Variants in MRAS observed in about 807,000 individuals in gnomAD.
MRAS encodes muscle RAS oncogene homolog.
A neutral mutation model predicts 20.9 loss-of-function variants in MRAS; 4 were observed. That is an observed-to-expected ratio of 0.19 (90% confidence interval 0.09 to 0.44). The LOEUF (loss-of-function observed/expected upper bound fraction) is 0.44, where lower values mean the gene tolerates loss of function less well. MRAS is among the 20% of genes least tolerant of loss of function. The pLI, the probability that MRAS is intolerant of heterozygous loss-of-function variation, is 0.99. For missense variants in MRAS, 154 were observed against 277.5 expected, an observed-to-expected ratio of 0.56 and a Z score of 3.16; for synonymous variants, 98 against 102.9, an observed-to-expected ratio of 0.95 and a Z score of 0.29.
intron 3 of MRAS, 88 bp downstream of exon 3, chr3:138,397,565 C>A: frequency 6.8e-7 from 1 of 1,462,280 alleles, no homozygotes; most frequent in Non-Finnish European, 9.3e-7. Flanking sequence ...CTCTTTCTCT[C>A]TCTCTCACCC....
chr3:138,374,638 A>G (rs1404826921), intron 2 of MRAS, among the ~76,000 whole-genome samples: 2 of 152,196 alleles, frequency 1.3e-5, no homozygotes, highest in East Asian at 3.8e-4. Flanking sequence ...ACAAGAACAG[A>G]CATCCTTGTC....
chr3:138,402,134 C>T (rs758386955), intron 5 of MRAS, 36 bp from the exon 6 acceptor site: 3 of 1,595,832 alleles, frequency 1.9e-6, no homozygotes, highest in East Asian at 2.2e-5. Flanking sequence ...AAAGCCCATT[C>T]TGACTTTGTC....
chr3:138,354,152 C>T (rs2054283755), intron 1 of MRAS, among the ~76,000 whole-genome samples: 4 of 152,044 alleles, frequency 2.6e-5, no homozygotes, highest in African/African-American at 7.2e-5. Flanking sequence ...AGAGAGGCAG[C>T]GAGTCCCTCG....
At chr3:138,397,871 G>C (rs2055274893) in intron 3 of MRAS, among the ~76,000 whole-genome samples, 1 of 152,124 alleles carries the variant, frequency 6.6e-6, no homozygotes, top group Non-Finnish European at 1.5e-5. Flanking sequence ...TACATGAATT[G>C]CAAAAGAGAA....
At chr3:138,386,097 C>T (rs937560014) in intron 2 of MRAS, among the ~76,000 whole-genome samples, 5 of 152,106 alleles carry the variant, frequency 3.3e-5, no homozygotes, top group Non-Finnish European at 2.9e-5. Context: ...AATTCACATG[C>T]AGAATTCACA....
chr3:138,355,394 A>G (rs2054311289), intron 1 of MRAS, among the ~76,000 whole-genome samples: 1 of 152,288 alleles, frequency 6.6e-6, no homozygotes, highest in African/African-American at 2.4e-5. Context: ...TCCTGTTTGC[A>G]TGTAGTTTGC....
chr3:138,364,561 C>T (rs2054522122), intron 1 of MRAS, among the ~76,000 whole-genome samples: 2 of 152,192 alleles, frequency 1.3e-5, no homozygotes, highest in Admixed American at 6.5e-5. Flanking sequence ...CTGAGCTGGG[C>T]AGGGAACAGC....
At chr3:138,381,487 C>T (rs1032540262) in intron 2 of MRAS, among the ~76,000 whole-genome samples, 2 of 152,262 alleles carry the variant, frequency 1.3e-5, no homozygotes, top group African/African-American at 4.8e-5. Context: ...TGACCAAATC[C>T]TCTCCTCACT....
In MRAS at chr3:138,403,552, T is replaced by C. The variant is rs1443030547; in HGVS notation, c.*1283T>C. On this transcript the variant is annotated 3_prime_UTR_variant, in exon 6 of 6. Transcript: ENST00000423968. Reference sequence around the variant, plus strand: ...CTTGACTATAAAATGATCTGAGAAGTAAGGAAGGCTGGGCTGATGTGTGGC... The same window carrying C: ...CTTGACTATAAAATGATCTGAGAAGCAAGGAAGGCTGGGCTGATGTGTGGC... 11 of 152,594 alleles carry C rather than the reference T, an allele frequency of 7.2e-5. No individual in the cohort carries two copies. Among genetic ancestry groups the C allele is most frequent in the African/African-American group, 2.7e-4 (11 of 41,418 alleles). 9.5% of individuals were successfully genotyped at this position (152,594 alleles called of 1,614,324 possible). A position where few individuals can be genotyped will look rare whatever the true frequency, so the allele number is the denominator to read the frequency against.
intron 2 of MRAS, among the ~76,000 whole-genome samples, chr3:138,391,769 A>G (rs2055136483): frequency 6.6e-6 from 1 of 152,178 alleles, no homozygotes; most frequent in African/African-American, 2.4e-5. Context: ...AGCCTATAGG[A>G]TTTCTGCCTT....
chr3:138,355,572 A>G (rs538978188), intron 1 of MRAS, among the ~76,000 whole-genome samples: 2 of 152,334 alleles, frequency 1.3e-5, no homozygotes, highest in African/African-American at 4.8e-5. Context: ...GGAGACCCCA[A>G]GTCCTCTTCA....
chr3:138,390,897 C>T (rs1363932374), intron 2 of MRAS, among the ~76,000 whole-genome samples: 1 of 152,226 alleles, frequency 6.6e-6, no homozygotes, highest in Non-Finnish European at 1.5e-5. Flanking sequence ...CTTGAACCAT[C>T]CATTTCATTG....
At chr3:138,377,335 G>C (rs974162588) in intron 2 of MRAS, among the ~76,000 whole-genome samples, 1 of 152,170 alleles carries the variant, frequency 6.6e-6, no homozygotes, top group South Asian at 2.1e-4. Flanking sequence ...GGCCGGGTGC[G>C]GTGGCTCACG....
At chr3:138,354,099 G>C (rs531431434) in intron 1 of MRAS, among the ~76,000 whole-genome samples, 1 of 152,334 alleles carries the variant, frequency 6.6e-6, no homozygotes, top group East Asian at 1.9e-4. Context: ...TGTGCACAAA[G>C]ATGTGGTGAG....
intron 1 of MRAS, among the ~76,000 whole-genome samples, chr3:138,371,562 G>T (rs955219701): frequency 6.6e-6 from 1 of 152,060 alleles, no homozygotes; most frequent in African/African-American, 2.4e-5. Flanking sequence ...CCAGTCACAC[G>T]TACACCATGC....
intron 1 of MRAS, among the ~76,000 whole-genome samples, chr3:138,355,299 C>G (rs150333021): frequency 1.3e-5 from 2 of 152,144 alleles, no homozygotes; most frequent in Non-Finnish European, 2.9e-5. Context: ...CTCTCCATGA[C>G]GACAGGACGC....
intron 1 of MRAS, among the ~76,000 whole-genome samples, chr3:138,352,969 A>G (rs2054258458): frequency 6.6e-6 from 1 of 152,122 alleles, no homozygotes; most frequent in East Asian, 1.9e-4. Context: ...GGGAGGCCAG[A>G]AAGGGCTGGA....
At chr3:138,385,360 T>G (rs2054990019) in intron 2 of MRAS, among the ~76,000 whole-genome samples, 1 of 150,792 alleles carries the variant, frequency 6.6e-6, no homozygotes, top group Admixed American at 6.6e-5. Flanking sequence ...TTGCCCAGAC[T>G]GGTCTCAAAC....
intron 2 of MRAS, among the ~76,000 whole-genome samples, chr3:138,380,721 A>G (rs1319295234): frequency 1.3e-5 from 2 of 151,696 alleles, no homozygotes; most frequent in South Asian, 2.1e-4. Context: ...AATTAGTACA[A>G]TCTATTCAAG....
Sources: gnomAD v4.1 joint callset for allele counts (sites outside exome capture counted in the v4.1 genomes callset) on GRCh38, gnomAD v4.1.1 for gene constraint, MANE v1.5 for transcripts, NCBI Gene and HGNC (gene_info 2026-07-23, HGNC 2026-07-21) for gene names.